Variants in PRKG1 observed in about 807,000 individuals in gnomAD.
PRKG1 encodes the protein cGMP-dependent protein kinase 1.
A neutral mutation model predicts 88.1 loss-of-function variants in PRKG1; 35 were observed. That is an observed-to-expected ratio of 0.40 (90% CI 0.30 to 0.53). The LOEUF (loss-of-function observed/expected upper bound fraction) is 0.53. PRKG1 is among the 20% of genes least tolerant of loss of function. PRKG1 has a pLI of 0.59. For missense variants in PRKG1, 540 were observed against 839.8 expected, an observed-to-expected ratio of 0.64 and a Z score of 4.41; for synonymous variants, 303 against 292.5, an observed-to-expected ratio of 1.04 and a Z score of -0.37.
intron 3 of PRKG1, among the ~76,000 whole-genome samples, chr10:51,590,881 T>G (rs1236085755): frequency 6.6e-6 from 1 of 152,202 alleles, no homozygotes. Flanking sequence ...CAGGTGCCTT[T>G]GTTCATTTCT....
intron 5 of PRKG1, among the ~76,000 whole-genome samples, chr10:52,006,304 T>G (rs1755116296): frequency 6.6e-6 from 1 of 152,078 alleles, no homozygotes; most frequent in Admixed American, 6.5e-5. Context: ...GTGACAGAAA[T>G]AGAATACAGA....
intron 1 of PRKG1, among the ~76,000 whole-genome samples, chr10:51,093,365 T>G (rs1235253990): frequency 6.6e-6 from 1 of 152,060 alleles, no homozygotes; most frequent in Non-Finnish European, 1.5e-5. Context: ...ACATAAACAC[T>G]ATTGGAAGCA....
At chr10:51,066,675 T>C (rs144179835) in intron 1 of PRKG1, among the ~76,000 whole-genome samples, 18 of 152,262 alleles carry the variant, frequency 1.2e-4, no homozygotes, top group African/African-American at 3.8e-4. Context: ...TTACATGGTA[T>C]ATACAGTATG....
chr10:51,159,662 C>A lies in PRKG1; in HGVS notation c.478+6332C>A, dbSNP rs796779930. On this transcript the variant is annotated intron_variant, in intron 2 of 17. Coordinates refer to ENST00000373980, the MANE Select transcript of PRKG1 (RefSeq NM_006258.4). ...AATATTTAGATGCCATGTGGGGTAT[C>A]GTGTTCATTTTGGGGTGCCATGCTT... Among the ~76,000 whole-genome samples, 36 of 152,152 alleles carry A rather than the reference C, an allele frequency of 2.4e-4. 1 individual carries two copies. Among genetic ancestry groups the A allele is most frequent in the African/African-American group, 8.4e-4 (35 of 41,528 alleles).
At chr10:51,649,837 C>T (rs1365015639) in intron 3 of PRKG1, among the ~76,000 whole-genome samples, 2 of 152,152 alleles carry the variant, frequency 1.3e-5, no homozygotes, top group Non-Finnish European at 2.9e-5. Context: ...GAAGTGGTAG[C>T]CCGCAATCAG....
Position 51,249,953 on chromosome 10 carries a change from C to T in PRKG1, c.478+96623C>T. ...GTAAGTAATATGTTAGATGATGCTT[C>T]ATAGCTTAGAACATATCCACATGCA... is the stretch of plus-strand genomic sequence containing the variant. On this transcript the variant is annotated intron_variant, in intron 2 of 17. Transcript: ENST00000373980. 1.3e-5 allele frequency among the ~76,000 whole-genome samples: 2 copies of T among 151,814 alleles called. 1 individual carries two copies. The highest frequency in any genetic ancestry group is 1.3e-4 in the Admixed American group (2 of 15,184).
intron 11 of PRKG1, among the ~76,000 whole-genome samples, chr10:52,271,868 A>ACAGC (rs1421913690): frequency 6.6e-6 from 1 of 152,102 alleles, no homozygotes; most frequent in Non-Finnish European, 1.5e-5. Flanking sequence ...AAATGAAATG[A>ACAGC]CAGCTGACCA....
intron 3 of PRKG1, among the ~76,000 whole-genome samples, chr10:51,794,385 T>C (rs1377976279): frequency 6.6e-6 from 1 of 152,124 alleles, no homozygotes; most frequent in Non-Finnish European, 1.5e-5. Flanking sequence ...AAATGTTCCA[T>C]CTAACAGCTG....
chr10:51,861,546 T>C (rs1346441645), intron 4 of PRKG1, among the ~76,000 whole-genome samples: 4 of 151,978 alleles, frequency 2.6e-5, no homozygotes, highest in South Asian at 2.1e-4. Context: ...TCATTCTGTT[T>C]TGTAATTTTG....
intron 5 of PRKG1, among the ~76,000 whole-genome samples, chr10:51,915,541 G>A (rs1209567014): frequency 6.7e-6 from 1 of 149,864 alleles, no homozygotes; most frequent in African/African-American, 2.5e-5. Context: ...GAAGATGTGT[G>A]TGTGTATGTG....
In PRKG1 at chr10:52,147,542, C is replaced by G. The variant is rs180732525; in HGVS notation, c.1001+13637C>G. Among the ~76,000 whole-genome samples the G allele has an allele frequency of 1.2e-3, 181 of 152,320 alleles. 3 individuals are homozygous for G. The highest frequency in any genetic ancestry group is 6.8e-3 in the Middle Eastern group (2 of 294). ...CAGGCCTGTCTGCACTAAGACCATGCTCTGCCAATTATACCAACTCTTGCT... is the reference window on the plus strand; with the variant it reads ...CAGGCCTGTCTGCACTAAGACCATGGTCTGCCAATTATACCAACTCTTGCT... On this transcript the variant is annotated intron_variant, in intron 8 of 17. Coordinates refer to ENST00000373980, the MANE Select transcript of PRKG1 (RefSeq NM_006258.4).
At chr10:51,379,714 G>A (rs912001857) in intron 2 of PRKG1, among the ~76,000 whole-genome samples, 14 of 152,268 alleles carry the variant, frequency 9.2e-5, no homozygotes, top group African/African-American at 1.2e-4. Context: ...CTGTTCACTC[G>A]ACAGATTTAA....
At chr10:51,108,084 C>T (rs190386377) in intron 1 of PRKG1, among the ~76,000 whole-genome samples, 16 of 152,228 alleles carry the variant, frequency 1.1e-4, no homozygotes, top group African/African-American at 3.8e-4. Flanking sequence ...AGCAGTGTAT[C>T]TATCAAATAA....
At chr10:51,723,445 G>A (rs1397659187) in intron 3 of PRKG1, among the ~76,000 whole-genome samples, 1 of 152,158 alleles carries the variant, frequency 6.6e-6, no homozygotes, top group Non-Finnish European at 1.5e-5. Flanking sequence ...ACACAGGGAA[G>A]AGAACATCAC....
At chr10:52,091,989 C>G (rs1452308254) in intron 7 of PRKG1, among the ~76,000 whole-genome samples, 2 of 152,130 alleles carry the variant, frequency 1.3e-5, no homozygotes, top group Non-Finnish European at 2.9e-5. Flanking sequence ...ATGACTACTT[C>G]TGGGCAAAAA....
chr10:51,265,131 C>A (rs1181213309), intron 2 of PRKG1, among the ~76,000 whole-genome samples: 1 of 151,916 alleles, frequency 6.6e-6, no homozygotes, highest in African/African-American at 2.4e-5. Flanking sequence ...ATGTTCTGGG[C>A]AACATCAGTG....
At chr10:51,998,274 T>G (rs956574078) in intron 5 of PRKG1, among the ~76,000 whole-genome samples, 2 of 152,154 alleles carry the variant, frequency 1.3e-5, no homozygotes, top group Non-Finnish European at 2.9e-5. Context: ...CTCTCATTGG[T>G]GATTATACTG....
intron 4 of PRKG1, among the ~76,000 whole-genome samples, chr10:51,860,303 G>A (rs1840839251): frequency 6.6e-6 from 1 of 152,098 alleles, no homozygotes; most frequent in African/African-American, 2.4e-5. Context: ...GTGTTTCTTT[G>A]CTTCATGTTG....
chr10:52,086,643 GA>G (rs1846922417), intron 7 of PRKG1, among the ~76,000 whole-genome samples: 1 of 152,002 alleles, frequency 6.6e-6, no homozygotes, highest in South Asian at 2.1e-4. Context: ...GACCTCAAGT[GA>G]TCTGCCCACC....
Sources: allele counts gnomAD v4.1 joint callset (sites outside exome capture counted in the v4.1 genomes callset), GRCh38; gene constraint gnomAD v4.1.1; transcripts MANE v1.5; gene names NCBI Gene and HGNC (gene_info 2026-07-23, HGNC 2026-07-21).